The following MCHR2 variants were observed in gnomAD, a reference collection of about 807,000 sequenced individuals.
The protein encoded by MCHR2 is melanin-concentrating hormone receptor 2.
In MCHR2, 15 loss-of-function variants were observed where a neutral mutation model predicts 24.8. The observed-to-expected ratio is 0.60, with a 90% CI of 0.40 to 0.93. MCHR2 has a LOEUF of 0.93. Among genes scored for constraint, MCHR2 ranks in the 40% least tolerant of loss-of-function variants. MCHR2 has a pLI of 0.00. For synonymous variants in MCHR2, 151 were observed against 147.6 expected, an observed-to-expected ratio of 1.02 and a Z score of -0.17; for missense variants, 386 against 408.7, an observed-to-expected ratio of 0.94 and a Z score of 0.48.
intron 1 of MCHR2, among the ~76,000 whole-genome samples, chr6:99,973,358 C>A (rs1315224677): frequency 1.3e-5 from 2 of 151,832 alleles, no homozygotes; most frequent in Non-Finnish European, 1.5e-5. Flanking sequence ...GGTTTAAAGT[C>A]TGTTTTATCA....
At chr6:99,946,020 A>ATT (rs201335747) in intron 3 of MCHR2, among the ~76,000 whole-genome samples, 3 of 144,314 alleles carry the variant, frequency 2.1e-5, no homozygotes, top group Non-Finnish European at 4.6e-5. Context: ...ATACCTGTTT[A>ATT]TTTTTTTTTT....
At chr6:99,981,609 C>T (rs1775670646) in intron 1 of MCHR2, among the ~76,000 whole-genome samples, 1 of 152,120 alleles carries the variant, frequency 6.6e-6, no homozygotes, top group Admixed American at 6.6e-5. Context: ...AATAATATAA[C>T]CCATTGCATA....
chr6:99,989,248 T>C (rs181056020), intron 1 of MCHR2, among the ~76,000 whole-genome samples: 2 of 152,242 alleles, frequency 1.3e-5, no homozygotes, highest in East Asian at 1.9e-4. Flanking sequence ...CATGACCCTG[T>C]ATCAAATTCA....
At chr6:99,983,246 C>T (rs1403385123) in intron 1 of MCHR2, among the ~76,000 whole-genome samples, 5 of 152,150 alleles carry the variant, frequency 3.3e-5, no homozygotes, top group South Asian at 2.1e-4. Context: ...GCTGGGATTA[C>T]AGGTGTGAAC....
At chr6:99,954,320 G>A (rs1220800679) in intron 2 of MCHR2, among the ~76,000 whole-genome samples, 1 of 152,096 alleles carries the variant, frequency 6.6e-6, no homozygotes, top group Non-Finnish European at 1.5e-5. Context: ...ACAAAAGTTT[G>A]TTGCAGTTAT....
In MCHR2 at chr6:99,931,480, G is replaced by T. The variant is rs1235147646; in HGVS notation, c.707+2918C>A. Among the ~76,000 whole-genome samples, 4 of 152,302 alleles carry T rather than the reference G, an allele frequency of 2.6e-5. No individual in the cohort carries two copies. In the East Asian group the frequency reaches 7.7e-4, roughly 29 times the overall value. ...TGGCAGGCAGGCCTCCTTGAGCTGT[G>T]GTGGGCTCCACCCAGTTCGAGCTTC... On this transcript the variant is annotated intron_variant, in intron 5 of 5. Transcript: ENST00000281806.
chr6:99,927,379 A>T (rs1774390777), intron 5 of MCHR2, among the ~76,000 whole-genome samples: 1 of 152,160 alleles, frequency 6.6e-6, no homozygotes, highest in South Asian at 2.1e-4. Flanking sequence ...GAAGAAGGTC[A>T]TTGGTAGCTT....
intron 1 of MCHR2, among the ~76,000 whole-genome samples, chr6:99,993,599 C>T (rs1198273858): frequency 2.0e-5 from 3 of 152,106 alleles, no homozygotes; most frequent in Non-Finnish European, 4.4e-5. Flanking sequence ...TGAACTAGCC[C>T]GGCGCGCTCC....
chr6:99,946,996 C>T (rs1774884143), intron 3 of MCHR2, among the ~76,000 whole-genome samples: 1 of 152,118 alleles, frequency 6.6e-6, no homozygotes, highest in Non-Finnish European at 1.5e-5. Context: ...TTACAACTAT[C>T]TGCCATCTCT....
At chr6:99,925,240 G>T (rs1486280397) in intron 5 of MCHR2, among the ~76,000 whole-genome samples, 5 of 151,470 alleles carry the variant, frequency 3.3e-5, no homozygotes, top group African/African-American at 1.2e-4. Context: ...GTTTCCATTG[G>T]TATGGTGTAT....
At chr6:99,965,695 T>C (rs1355394930) in intron 1 of MCHR2, among the ~76,000 whole-genome samples, 1 of 152,064 alleles carries the variant, frequency 6.6e-6, no homozygotes, top group Non-Finnish European at 1.5e-5. Flanking sequence ...CTTCTATAAG[T>C]TTAAAAAAGA....
intron 2 of MCHR2, among the ~76,000 whole-genome samples, chr6:99,951,508 C>T (rs1485774315): frequency 6.6e-6 from 1 of 152,146 alleles, no homozygotes; most frequent in Non-Finnish European, 1.5e-5. Flanking sequence ...TATGCCCTCG[C>T]TCATTGTGTC....
rs754506867 is a variant in MCHR2, at chr6:99,934,399, A to G, written c.706T>C (p.Cys236Arg). Residue 236 changes from cysteine to arginine, a missense_variant and splice_region_variant, in exon 5 of 6, where the codon TGC becomes CGC. Cys to Arg is a radical substitution (Grantham distance 180). Transcript: ENST00000281806. Reference protein sequence around the residue: ...EMYQQNKDARCCNPSVPKQRV... With the variant: ...EMYQQNKDARRCNPSVPKQRV... ...AAATAAAACAAGGCAAACACTTACC[A>G]TCTGGCATCCTTATTCTGTTGATAC... 11 of 1,574,386 alleles carry G rather than the reference A, an allele frequency of 7.0e-6. No individual in the cohort carries two copies. The Middle Eastern group carries it at 6.8e-4, about 97-fold the overall frequency.
intron 4 of MCHR2, among the ~76,000 whole-genome samples, chr6:99,940,559 T>C (rs933165093): frequency 6.6e-6 from 1 of 152,214 alleles, no homozygotes; most frequent in Non-Finnish European, 1.5e-5. Context: ...AGCTCACATA[T>C]TGCTGTCTCA....
intron 1 of MCHR2, among the ~76,000 whole-genome samples, chr6:99,958,999 C>G (rs1775125333): frequency 6.6e-6 from 1 of 152,126 alleles, no homozygotes; most frequent in East Asian, 1.9e-4. Flanking sequence ...TGTGGTATAG[C>G]TGACAGAGGT....
intron 1 of MCHR2, among the ~76,000 whole-genome samples, chr6:99,982,649 C>A (rs1306005443): frequency 3.3e-5 from 5 of 151,818 alleles, no homozygotes; most frequent in Middle Eastern, 3.4e-3. Context: ...CAGAAAAAAA[C>A]CACACCCAAT....
intron 2 of MCHR2, among the ~76,000 whole-genome samples, chr6:99,950,064 A>G (rs1774939011): frequency 1.3e-5 from 2 of 152,110 alleles, no homozygotes; most frequent in Admixed American, 6.6e-5. Flanking sequence ...GGTACCCATC[A>G]TTTACTGATA....
chr6:99,933,534 A>G (rs1470788077), intron 5 of MCHR2, among the ~76,000 whole-genome samples: 1 of 152,100 alleles, frequency 6.6e-6, no homozygotes, highest in Non-Finnish European at 1.5e-5. Context: ...ATTCCAAGAA[A>G]CTAAGTGGGA....
intron 1 of MCHR2, among the ~76,000 whole-genome samples, chr6:99,963,757 T>A (rs969830256): frequency 1.3e-5 from 2 of 152,180 alleles, no homozygotes; most frequent in Admixed American, 1.3e-4. Context: ...AGGTATAATA[T>A]TCCATTCAAT....
Sources: gnomAD v4.1 joint callset for allele counts (sites outside exome capture counted in the v4.1 genomes callset) on GRCh38, gnomAD v4.1.1 for gene constraint, MANE v1.5 for transcripts, NCBI Gene and HGNC (gene_info 2026-07-23, HGNC 2026-07-21) for gene names.